The following EBF2 variants were observed in gnomAD, a reference collection of about 807,000 sequenced individuals.
The protein encoded by EBF2 is EBF transcription factor 2.
A neutral mutation model predicts 72.8 loss-of-function variants in EBF2; 21 were observed. That is an observed-to-expected ratio of 0.29 (90% CI 0.20 to 0.42). EBF2 has a LOEUF of 0.42. Ranked by LOEUF, EBF2 falls within the 10% of genes least tolerant of loss-of-function variation. EBF2 has a pLI of 1.00. For synonymous variants in EBF2, 299 were observed against 274.2 expected, an observed-to-expected ratio of 1.09 and a Z score of -0.89; for missense variants, 637 against 731.2, an observed-to-expected ratio of 0.87 and a Z score of 1.49.
At chr8:25,996,756 GA>G (rs1804640236) in intron 6 of EBF2, among the ~76,000 whole-genome samples, 1 of 151,904 alleles carries the variant, frequency 6.6e-6, no homozygotes, top group Non-Finnish European at 1.5e-5. Flanking sequence ...ATATAAACTG[GA>G]AAAACTTCTG....
At chr8:26,029,306 A>G (rs1431439227) in intron 6 of EBF2, among the ~76,000 whole-genome samples, 1 of 152,216 alleles carries the variant, frequency 6.6e-6, no homozygotes, top group African/African-American at 2.4e-5. Context: ...GTGTGGTAAC[A>G]CTGATTATCT....
chr8:26,044,783 A>C lies in EBF2; in HGVS notation c.77T>G (p.Val26Gly). The C allele has an allele frequency of 1.2e-6, 2 of 1,614,106 alleles. No individual in the cohort carries two copies. Among genetic ancestry groups the C allele is most frequent in the South Asian group, 2.2e-5 (2 of 91,074 alleles). The change falls in exon 1 of 16, where the codon GTC (valine) becomes GGC (glycine). Residue 26 changes from valine (V) to glycine (G), a missense_variant. By Grantham distance (109) the Val-to-Gly change is moderately radical (BLOSUM62 -3). Around this residue, in one of 3 missense-constraint regions of EBF2, gnomAD observed 174 missense variants for 161.9 expected, o/e 1.07. Transcript: ENST00000520164. This position sits in a 1 kb window ranked among gnomAD's most constrained non-coding sequence, Gnocchi z 4.1. ...EKSLGAEMDSVRSWVRNVGVV... is the reference protein window; with the variant it reads ...EKSLGAEMDSGRSWVRNVGVV... The stretch of plus-strand genomic sequence containing the variant: ...TCCGACATTCCGGACCCAGGACCTG[A>C]CCGAATCCATCTCCGCGCCCAGCGA...
chr8:25,927,177 A>T (rs1803400770), intron 6 of EBF2, among the ~76,000 whole-genome samples: 1 of 152,066 alleles, frequency 6.6e-6, no homozygotes, highest in South Asian at 2.1e-4. Flanking sequence ...AGAAAAAAAA[A>T]ATTCTGCCTC....
chr8:26,033,703 C>T (rs893896167), intron 5 of EBF2, among the ~76,000 whole-genome samples: 4 of 151,966 alleles, frequency 2.6e-5, no homozygotes, highest in Non-Finnish European at 5.9e-5. Flanking sequence ...ACATGTTTAC[C>T]TGTGTAACAA....
intron 10 of EBF2, 97 bp downstream of exon 10, chr8:25,886,658 C>T: frequency 3.6e-6 from 5 of 1,397,972 alleles, no homozygotes; most frequent in Non-Finnish European, 4.8e-6. Context: ...AGTAAAAAGA[C>T]CTAGAAAAAT....
At chr8:25,898,385 G>A (rs1202091215) in intron 7 of EBF2, among the ~76,000 whole-genome samples, 3 of 151,596 alleles carry the variant, frequency 2.0e-5, no homozygotes, top group African/African-American at 7.3e-5. Context: ...TGGCTAATTT[G>A]GCTTTAGAGT....
chr8:25,871,393 G>A (rs970766467), intron 10 of EBF2, among the ~76,000 whole-genome samples: 2 of 152,212 alleles, frequency 1.3e-5, no homozygotes, highest in Admixed American at 1.3e-4. Context: ...GGGATACAGA[G>A]AAGTGCTGGC....
chr8:25,997,586 A>C (rs1274915887), intron 6 of EBF2, among the ~76,000 whole-genome samples: 1 of 151,988 alleles, frequency 6.6e-6, no homozygotes. Context: ...AAAAAAAAAA[A>C]AAGTAATCAA....
intron 10 of EBF2, among the ~76,000 whole-genome samples, chr8:25,865,903 T>C (rs555707832): frequency 6.6e-6 from 1 of 151,932 alleles, no homozygotes; most frequent in East Asian, 2.0e-4. Context: ...CGGGTGCCTG[T>C]AGTCCCAGCT....
chr8:25,950,786 T>G (rs895246732), intron 6 of EBF2, among the ~76,000 whole-genome samples: 1 of 152,148 alleles, frequency 6.6e-6, no homozygotes, highest in African/African-American at 2.4e-5. Flanking sequence ...GTGCTTCAAA[T>G]TGTACCATAA....
chr8:25,921,681 T>C (rs1202034076), intron 6 of EBF2, among the ~76,000 whole-genome samples: 3 of 152,236 alleles, frequency 2.0e-5, no homozygotes, highest in Admixed American at 2.0e-4. Flanking sequence ...TCACGTTTCT[T>C]TATTCTCTGT....
At chr8:26,023,351 G>A (rs1368401689) in intron 6 of EBF2, among the ~76,000 whole-genome samples, 1 of 152,100 alleles carries the variant, frequency 6.6e-6, no homozygotes, top group Non-Finnish European at 1.5e-5. Context: ...CTGTTCTTCT[G>A]CTCCTTGACC....
At chr8:25,980,492 C>T (rs1243142342) in intron 6 of EBF2, among the ~76,000 whole-genome samples, 2 of 152,078 alleles carry the variant, frequency 1.3e-5, no homozygotes, top group Admixed American at 1.3e-4. Flanking sequence ...TTCACAAGGT[C>T]CCCCAGTGGC....
At chr8:26,005,561 T>TATATATATAGAGAGAGAGAGAG (rs375386709) in intron 6 of EBF2, among the ~76,000 whole-genome samples, 1 of 63,886 alleles carries the variant, frequency 1.6e-5, no homozygotes, top group Non-Finnish European at 2.6e-5. Context: ...TATATATATA[T>TATATATATAGAGAGAGAGAGAG]AGAGAGAGAG....
rs1804724197 is a variant in EBF2 at position 26,001,430 on chromosome 8, GC to G, written c.551+31654del. ...TAGCTGAACAGATATCTACATATTT[GC>G]CAAATATTATTTGCAGTTAGTCTTA... is the stretch of plus-strand genomic sequence containing the variant. On this transcript the variant is annotated intron_variant, in intron 6 of 15. Transcript: ENST00000520164. Among the ~76,000 whole-genome samples the G allele has an allele frequency of 2.6e-5, 4 of 152,252 alleles. No individual in the cohort carries two copies. In the South Asian group the frequency reaches 8.3e-4, roughly 32 times the overall value.
chr8:25,918,720 T>C (rs374453231), intron 6 of EBF2, among the ~76,000 whole-genome samples: 9 of 152,198 alleles, frequency 5.9e-5, no homozygotes, highest in Non-Finnish European at 1.2e-4. Context: ...GAAGTCAGTA[T>C]TGATAAAGGT....
Position 25,986,001 on chromosome 8 carries a change from CAAAAAAAAAA to C in EBF2, c.551+47074_551+47083del, listed in dbSNP as rs59820523. Among the ~76,000 whole-genome samples, 4 of 28,562 alleles carry C rather than the reference CAAAAAAAAAA, an allele frequency of 1.4e-4. 1 individual carries two copies. The highest frequency in any genetic ancestry group is 6.8e-4 in the Admixed American group (1 of 1,476). The allele number at this position is 28,562 out of a possible 152,430, so 18.7% of individuals were successfully genotyped here. On this transcript the variant is annotated intron_variant, in intron 6 of 15. Coordinates refer to ENST00000520164, the MANE Select transcript of EBF2 (RefSeq NM_022659.4). ...CGGGTGACAGAGTGAAACTCTGTCTCAAAAAAAAAAAAAAAAAAAAAAAAGTACATGAGGG... is the reference window on the plus strand; with the variant it reads ...CGGGTGACAGAGTGAAACTCTGTCTCAAAAAAAAAAAAAAGTACATGAGGG...
At chr8:25,853,892 T>C (rs1025730475) in intron 14 of EBF2, among the ~76,000 whole-genome samples, 8 of 151,998 alleles carry the variant, frequency 5.3e-5, no homozygotes, top group African/African-American at 1.9e-4. Context: ...TTTTTAAAAA[T>C]ACAAATAGCA....
intron 10 of EBF2, among the ~76,000 whole-genome samples, chr8:25,866,528 T>A (rs1802321353): frequency 7.0e-6 from 1 of 143,330 alleles, no homozygotes; most frequent in Non-Finnish European, 1.5e-5. Flanking sequence ...AATATAAAAA[T>A]ATATAATATA....
Sources: gnomAD v4.1 joint callset for allele counts (sites outside exome capture counted in the v4.1 genomes callset) on GRCh38, gnomAD v4.1.1 for gene constraint, gnomAD v4.1.1 regional missense constraint, Gnocchi (gnomAD v3.1) non-coding constraint, MANE v1.5 for transcripts, NCBI Gene and HGNC (gene_info 2026-07-23, HGNC 2026-07-21) for gene names.